Variants in NBAS observed in about 807,000 individuals in gnomAD.
The protein encoded by NBAS is NAG/BC035112 fusion.
NBAS carries 219 observed loss-of-function variants against 302.5 expected under a neutral mutation model. The ratio of observed to expected loss-of-function variants is 0.72; its 90% CI spans 0.65 to 0.81. NBAS has a LOEUF of 0.81. Ranked by LOEUF, NBAS falls within the 30% of genes least tolerant of loss-of-function variation. NBAS has a pLI of 0.00. For missense variants in NBAS, 2,932 were observed against 2,841.6 expected, an observed-to-expected ratio of 1.03 and a Z score of -0.72; for synonymous variants, 1,118 against 1,021.6, an observed-to-expected ratio of 1.09 and a Z score of -1.80.
intron 28 of NBAS, among the ~76,000 whole-genome samples, chr2:15,391,879 TA>T (rs200344843): frequency 1.2e-3 from 158 of 126,728 alleles, no homozygotes; most frequent in East Asian, 3.1e-3. Flanking sequence ...CGTAGCATAC[TA>T]AAAAAAAAAA....
At chr2:15,142,777 A>G in the NBAS span, among the ~76,000 whole-genome samples, 1 of 152,254 alleles carries the variant, frequency 6.6e-6, no homozygotes, top group Non-Finnish European at 1.5e-5. Context: ...TTCCATGGAT[A>G]GAAACACACA....
At chr2:15,502,083 C>A in intron 11 of NBAS, among the ~76,000 whole-genome samples, 1 of 152,158 alleles carries the variant, frequency 6.6e-6, no homozygotes, top group Admixed American at 6.5e-5. Flanking sequence ...AGGTTTAAGA[C>A]AATAACCAAC....
intron 11 of NBAS, among the ~76,000 whole-genome samples, chr2:15,491,696 A>G (rs1236557681): frequency 1.3e-5 from 2 of 152,030 alleles, no homozygotes. Context: ...AGATCGTGCC[A>G]CTGCACTCCA....
chr2:14,980,538 A>G, the NBAS span, among the ~76,000 whole-genome samples: 1 of 152,206 alleles, frequency 6.6e-6, no homozygotes, highest in Admixed American at 6.5e-5. Flanking sequence ...ACTTCCCAAC[A>G]AAACGGGCAA....
chr2:15,231,678 C>T (rs1358393638), intron 47 of NBAS, among the ~76,000 whole-genome samples: 1 of 152,104 alleles, frequency 6.6e-6, no homozygotes, highest in South Asian at 2.1e-4. Flanking sequence ...ATATCTGCAC[C>T]TGAACAATAA....
At chr2:14,907,287 C>T in the NBAS span, among the ~76,000 whole-genome samples, 466 of 152,350 alleles carry the variant, frequency 3.1e-3, 2 homozygotes, top group Non-Finnish European at 5.1e-3. Flanking sequence ...ATGGTGTCCT[C>T]TGTTCGGAAG....
chr2:15,556,653 A>G, intron 3 of NBAS, 130 bp downstream of exon 3: 1 of 839,588 alleles, frequency 1.2e-6, no homozygotes, highest in South Asian at 1.5e-5. Context: ...GAAATGTCTC[A>G]TACTGAGTTT....
chr2:14,872,357 G>T, the NBAS span, among the ~76,000 whole-genome samples: 1 of 151,880 alleles, frequency 6.6e-6, no homozygotes, highest in Non-Finnish European at 1.5e-5. Context: ...CAGCCAACTA[G>T]ATCTAATTGA....
chr2:15,142,026 A>G, the NBAS span, among the ~76,000 whole-genome samples: 974 of 152,336 alleles, frequency 6.4e-3, 11 homozygotes, highest in African/African-American at 0.021. Context: ...CACAAAATTC[A>G]TGTCAGAGAA....
At chr2:15,306,075 C>T (rs1172402415) in intron 40 of NBAS, among the ~76,000 whole-genome samples, 1 of 152,206 alleles carries the variant, frequency 6.6e-6, no homozygotes, top group Non-Finnish European at 1.5e-5. Context: ...TTATTTGGCA[C>T]TTGTGTACAC....
intron 51 of NBAS, among the ~76,000 whole-genome samples, chr2:15,174,104 CA>C (rs1196684248): frequency 6.6e-6 from 1 of 152,190 alleles, no homozygotes; most frequent in Non-Finnish European, 1.5e-5. Context: ...AGGTACAAGT[CA>C]GATCTCTGTA....
intron 38 of NBAS, among the ~76,000 whole-genome samples, chr2:15,323,825 A>G (rs1394876966): frequency 6.6e-6 from 1 of 151,834 alleles, no homozygotes; most frequent in South Asian, 2.1e-4. Flanking sequence ...ACACAGCAAG[A>G]CCCTGTCTCA....
chr2:14,969,629 G>T, the NBAS span, among the ~76,000 whole-genome samples: 3 of 152,158 alleles, frequency 2.0e-5, no homozygotes, highest in Non-Finnish European at 2.9e-5. Flanking sequence ...CGCCTGCCTC[G>T]GCCTCCCAAA....
chr2:15,523,731 T>G (rs1489084405), intron 9 of NBAS, among the ~76,000 whole-genome samples: 1 of 152,108 alleles, frequency 6.6e-6, no homozygotes, highest in South Asian at 2.1e-4. Flanking sequence ...CTGGCCAACT[T>G]GGTGAACCGC....
the NBAS span, among the ~76,000 whole-genome samples, chr2:14,859,715 AT>A: frequency 6.6e-6 from 1 of 152,128 alleles, no homozygotes; most frequent in African/African-American, 2.4e-5. Context: ...AATTTCAGAC[AT>A]GAAACTATGA....
the NBAS span, among the ~76,000 whole-genome samples, chr2:14,834,407 T>A: frequency 6.6e-6 from 1 of 152,158 alleles, no homozygotes; most frequent in African/African-American, 2.4e-5. Flanking sequence ...CAAGGCCTAC[T>A]GCAGATGGAC....
chr2:15,458,912 C>T (rs1175401557), intron 21 of NBAS, among the ~76,000 whole-genome samples: 1 of 152,170 alleles, frequency 6.6e-6, no homozygotes, highest in African/African-American at 2.4e-5. Context: ...TCAGTCTCTT[C>T]AAAGTTTGTC....
the NBAS span, among the ~76,000 whole-genome samples, chr2:14,934,429 A>G: frequency 6.6e-6 from 1 of 152,228 alleles, no homozygotes; most frequent in East Asian, 1.9e-4. Context: ...ATACTTTGCC[A>G]AGTTTTGTAA....
At chr2:14,799,879 C>T in the NBAS span, among the ~76,000 whole-genome samples, 1 of 152,250 alleles carries the variant, frequency 6.6e-6, no homozygotes, top group East Asian at 1.9e-4. Context: ...TCACTCCACT[C>T]GTCGTTTGTT....
Sources: allele counts gnomAD v4.1 joint callset (sites outside exome capture counted in the v4.1 genomes callset), GRCh38; gene constraint gnomAD v4.1.1; transcripts MANE v1.5; gene names NCBI Gene and HGNC (gene_info 2026-07-23, HGNC 2026-07-21).